The following IRAG1 variants were observed in gnomAD, a reference collection of about 807,000 sequenced individuals.
The protein encoded by IRAG1 is IP3R-associated cGMP kinase substrate.
IRAG1 carries 62 observed loss-of-function variants against 106.2 expected under a neutral mutation model. The observed-to-expected ratio is 0.58, with a 90% CI of 0.48 to 0.72. IRAG1 has a LOEUF of 0.72. Among genes scored for constraint, IRAG1 ranks in the 30% least tolerant of loss-of-function variants. The pLI, the probability that IRAG1 is intolerant of heterozygous loss-of-function variation, is 0.00. For missense variants in IRAG1, 1,064 were observed against 1,140.7 expected (o/e 0.93, Z 0.97); for synonymous variants, 462 against 443.9 (o/e 1.04, Z -0.51).
At chr11:10,592,418 G>A (rs1242364770) in intron 17 of IRAG1, among the ~76,000 whole-genome samples, 1 of 152,112 alleles carries the variant, frequency 6.6e-6, no homozygotes, top group African/African-American at 2.4e-5. Flanking sequence ...TTTTTTTCAG[G>A]TTGTTTTATT....
chr11:10,627,514 C>A (rs1163274363), intron 8 of IRAG1, among the ~76,000 whole-genome samples: 2 of 152,118 alleles, frequency 1.3e-5, no homozygotes, highest in South Asian at 2.1e-4. Context: ...GTTCACCCCC[C>A]TGAATCCTGC....
chr11:10,617,729 T>C (rs893092534), intron 10 of IRAG1, among the ~76,000 whole-genome samples: 1 of 152,178 alleles, frequency 6.6e-6, no homozygotes, highest in Non-Finnish European at 1.5e-5. Context: ...CTCACAACCA[T>C]GCAGACAGGT....
chr11:10,632,189 T>TA, intron 3 of IRAG1, 128 bp from the exon 4 acceptor site: 2 of 654,300 alleles, frequency 3.1e-6, no homozygotes, highest in Non-Finnish European at 4.9e-6. Flanking sequence ...CTTCTTTCTT[T>TA]CTTTTTTTTT....
intron 18 of IRAG1, among the ~76,000 whole-genome samples, chr11:10,582,754 G>A (rs1344518323): frequency 5.3e-5 from 8 of 152,214 alleles, no homozygotes; most frequent in Middle Eastern, 3.4e-3. Flanking sequence ...TCAGGAGTTC[G>A]AGACCAGCCT....
chr11:10,689,521 A>C (rs980171189), intron 1 of IRAG1, among the ~76,000 whole-genome samples: 2 of 152,162 alleles, frequency 1.3e-5, no homozygotes, highest in Non-Finnish European at 2.9e-5. Context: ...ACACAAACCC[A>C]CCTCTGAGAG....
intron 2 of IRAG1, among the ~76,000 whole-genome samples, chr11:10,636,933 T>C (rs961585609): frequency 1.3e-5 from 2 of 152,154 alleles, no homozygotes; most frequent in African/African-American, 2.4e-5. Context: ...GACTATGACA[T>C]GTGAGATAGG....
At chr11:10,609,196 C>A (rs899106648) in intron 11 of IRAG1, among the ~76,000 whole-genome samples, 5 of 152,152 alleles carry the variant, frequency 3.3e-5, no homozygotes, top group Non-Finnish European at 7.4e-5. Context: ...CTACCCAATG[C>A]CCCACTCTCA....
Position 10,659,891 on chromosome 11 carries a change from C to T in IRAG1, c.68-7709G>A, listed in dbSNP as rs184214765. On this transcript the variant is annotated intron_variant, in intron 1 of 20. Transcript: ENST00000423302. This position sits in a 1 kb window ranked among gnomAD's most constrained non-coding sequence, Gnocchi z 4.1. Reference sequence around the variant, plus strand: ...GTTCCAGGCTGCTCAGCAGCCTCTTCCCTGAGTCACTCACTCAAGAGTGAC... The same window carrying T: ...GTTCCAGGCTGCTCAGCAGCCTCTTTCCTGAGTCACTCACTCAAGAGTGAC... Among the ~76,000 whole-genome samples the T allele has an allele frequency of 9.4e-4, 143 of 152,172 alleles. No homozygotes were observed. The highest frequency in any genetic ancestry group is 3.4e-3 in the African/African-American group (140 of 41,526).
chr11:10,607,883 A>T (rs1220520295), intron 11 of IRAG1, among the ~76,000 whole-genome samples: 1 of 152,194 alleles, frequency 6.6e-6, no homozygotes, highest in Non-Finnish European at 1.5e-5. Context: ...TTTGACACTT[A>T]CAGTCCTTGT....
At chr11:10,642,591 G>C (rs9633862) in intron 2 of IRAG1, among the ~76,000 whole-genome samples, 30,836 of 152,222 alleles carry the variant, frequency 0.2, 4,445 homozygotes, top group East Asian at 0.75. Context: ...GCCTAGACCA[G>C]AATCCCACCT....
intron 1 of IRAG1, among the ~76,000 whole-genome samples, chr11:10,681,743 G>A (rs1387428263): frequency 1.3e-5 from 2 of 152,190 alleles, no homozygotes; most frequent in African/African-American, 2.4e-5. Context: ...TTAGGAAGTG[G>A]CACCAGGGAC....
chr11:10,592,205 C>G (rs77305864), intron 17 of IRAG1, among the ~76,000 whole-genome samples: 6 of 152,196 alleles, frequency 3.9e-5, no homozygotes, highest in South Asian at 4.2e-4. Flanking sequence ...AAAAAAGTAT[C>G]GATCCACTCC....
At position 10,609,680 on chromosome 11, in the gene IRAG1, AG is replaced by A. The variant is rs201993567; in HGVS notation, c.1571+47del. 16,897 of 1,593,888 alleles carry A rather than the reference AG, an allele frequency of 0.011. 1,507 individuals carry two copies. In the African/African-American group the frequency reaches 0.2, roughly 18 times the overall value. On this transcript the variant is annotated intron_variant, in intron 11 of 20. Transcript: ENST00000423302. ...CTGTGTCCCACCTAGAATCCAACAC[AG>A]GGGCCACTCGGTACAGGGCCTTCTG...
At chr11:10,674,095 C>A (rs973871446) in intron 1 of IRAG1, among the ~76,000 whole-genome samples, 3 of 152,188 alleles carry the variant, frequency 2.0e-5, no homozygotes, top group African/African-American at 7.2e-5. Context: ...AGAGCGCCTA[C>A]CAAGTGCCAA....
At chr11:10,580,164 C>T (rs1296063882) in intron 20 of IRAG1, among the ~76,000 whole-genome samples, 1 of 152,216 alleles carries the variant, frequency 6.6e-6, no homozygotes, top group Non-Finnish European at 1.5e-5. Flanking sequence ...ATTCAGGGCC[C>T]TTCGCCCTTC....
At chr11:10,667,233 C>T (rs1859858220) in intron 1 of IRAG1, among the ~76,000 whole-genome samples, 1 of 151,890 alleles carries the variant, frequency 6.6e-6, no homozygotes, top group Admixed American at 6.6e-5. Context: ...CGTGGCCTTT[C>T]ATCTCTTTTC....
intron 18 of IRAG1, among the ~76,000 whole-genome samples, chr11:10,585,771 A>G (rs1406642222): frequency 6.6e-6 from 1 of 152,072 alleles, no homozygotes; most frequent in Admixed American, 6.5e-5. Flanking sequence ...GTATTATCCC[A>G]TTTCACAGAT....
chr11:10,602,075 T>C (rs749045), intron 14 of IRAG1, among the ~76,000 whole-genome samples: 91,065 of 152,152 alleles, frequency 0.6, 27,641 homozygotes, highest in East Asian at 0.74. Flanking sequence ...GGTCCCACAG[T>C]CATGCGTGGC....
intron 1 of IRAG1, among the ~76,000 whole-genome samples, chr11:10,686,222 G>GT (rs1329584872): frequency 2.0e-5 from 3 of 152,088 alleles, no homozygotes; most frequent in African/African-American, 7.2e-5. Context: ...CATTTCATAG[G>GT]TAAGGGGACT....
Sources: allele counts gnomAD v4.1 joint callset (sites outside exome capture counted in the v4.1 genomes callset), GRCh38; gene constraint gnomAD v4.1.1; non-coding constraint Gnocchi (gnomAD v3.1); transcripts MANE v1.5; gene names NCBI Gene and HGNC (gene_info 2026-07-23, HGNC 2026-07-21).